The following BRINP3 variants were observed in gnomAD, a reference collection of about 807,000 sequenced individuals.
BRINP3 encodes the protein BMP/retinoic acid-inducible neural-specific protein 3.
Under a neutral mutation model 71.0 loss-of-function variants are expected in BRINP3, and 19 were observed. The ratio of observed to expected loss-of-function variants is 0.27; its 90% CI spans 0.19 to 0.39. The LOEUF is 0.39. Ranked by LOEUF, BRINP3 falls within the 10% of genes least tolerant of loss-of-function variation. BRINP3 has a pLI of 1.00. For missense variants in BRINP3, 959 were observed against 940.8 expected, an observed-to-expected ratio of 1.02 and a Z score of -0.25; for synonymous variants, 380 against 337.7, an observed-to-expected ratio of 1.13 and a Z score of -1.37.
At chr1:190,223,068 C>T (rs913984843) in intron 6 of BRINP3, among the ~76,000 whole-genome samples, 20 of 151,890 alleles carry the variant, frequency 1.3e-4, no homozygotes, top group African/African-American at 4.8e-4. Context: ...GGATCATTGG[C>T]TTCACTGCTA....
At chr1:190,115,136 A>T (rs1329673642) in intron 7 of BRINP3, among the ~76,000 whole-genome samples, 1 of 152,136 alleles carries the variant, frequency 6.6e-6, no homozygotes, top group African/African-American at 2.4e-5. Flanking sequence ...GTCCCCATGT[A>T]CTCAATAAAT....
At chr1:190,149,918 T>C (rs1171052072) in intron 7 of BRINP3, among the ~76,000 whole-genome samples, 1 of 152,144 alleles carries the variant, frequency 6.6e-6, no homozygotes, top group African/African-American at 2.4e-5. Flanking sequence ...TCTTTTGTGA[T>C]GTTCTATTTG....
chr1:190,258,650 G>A (rs1039839107), intron 4 of BRINP3, among the ~76,000 whole-genome samples: 3 of 152,162 alleles, frequency 2.0e-5, no homozygotes, highest in Admixed American at 6.5e-5. Flanking sequence ...ATGAACAATT[G>A]CATGCCAACA....
intron 2 of BRINP3, among the ~76,000 whole-genome samples, chr1:190,294,362 T>C (rs891560909): frequency 1.3e-5 from 2 of 151,722 alleles, no homozygotes; most frequent in Non-Finnish European, 2.9e-5. Flanking sequence ...AGGTCTCAAG[T>C]GATCCTCCCA....
chr1:190,436,746 A>T (rs1674483198), intron 2 of BRINP3, among the ~76,000 whole-genome samples: 2 of 151,750 alleles, frequency 1.3e-5, no homozygotes, highest in African/African-American at 4.8e-5. Flanking sequence ...GACTCAATTG[A>T]CTCAATTGAC....
intron 2 of BRINP3, among the ~76,000 whole-genome samples, chr1:190,414,749 C>T (rs1271587016): frequency 6.6e-6 from 1 of 152,182 alleles, no homozygotes. Flanking sequence ...AGCAATGTTA[C>T]TAAGGCAGAG....
chr1:190,226,738 T>C (rs912780724), intron 5 of BRINP3, among the ~76,000 whole-genome samples: 8 of 152,110 alleles, frequency 5.3e-5, no homozygotes, highest in African/African-American at 9.6e-5. Context: ...CCCACATCAA[T>C]GTAAATATCA....
intron 2 of BRINP3, among the ~76,000 whole-genome samples, chr1:190,292,487 A>G (rs1348170731): frequency 2.0e-5 from 3 of 152,050 alleles, no homozygotes; most frequent in Non-Finnish European, 4.4e-5. Context: ...GCTCTCTACA[A>G]AAAAATAAAA....
rs2436653 is a variant in BRINP3, at chr1:190,201,696, C to T, written c.961+24386G>A. ...TGTCCTGCATCCCAGCTGCTCCAGC[C>T]ATGGTTGAAATAGACCAACATAGAA... On this transcript the variant is annotated intron_variant, in intron 6 of 7. Transcript: ENST00000367462. Among the ~76,000 whole-genome samples, 4 of 151,928 alleles carry T rather than the reference C, an allele frequency of 2.6e-5. 1 individual carries two copies. The highest frequency in any genetic ancestry group is 2.0e-4 in the Admixed American group (3 of 15,250).
At chr1:190,249,921 G>A (rs1480905873) in intron 4 of BRINP3, among the ~76,000 whole-genome samples, 1 of 151,758 alleles carries the variant, frequency 6.6e-6, no homozygotes. Context: ...ATGAGTCCAA[G>A]AATTGCTAAT....
rs563226521 is a variant in BRINP3, at chr1:190,468,273, G to T, written c.-51+9175C>A. Among the ~76,000 whole-genome samples the T allele has an allele frequency of 4.6e-5, 7 of 151,222 alleles. No homozygotes were observed. The East Asian group carries it at 9.7e-4, about 21-fold the overall frequency. ...TTACCTTACTAAAGATTATTAAAAAGAAATATTTTAACAGTTAATCAAACA... is the reference window on the plus strand; with the variant it reads ...TTACCTTACTAAAGATTATTAAAAATAAATATTTTAACAGTTAATCAAACA... On this transcript the variant is annotated intron_variant, in intron 1 of 7. Coordinates refer to ENST00000367462, the MANE Select transcript of BRINP3 (RefSeq NM_199051.3).
chr1:190,382,550 A>T (rs1005696198), intron 2 of BRINP3, among the ~76,000 whole-genome samples: 1 of 152,292 alleles, frequency 6.6e-6, no homozygotes, highest in East Asian at 1.9e-4. Context: ...ACGGACACTC[A>T]TTCCTTAATC....
At chr1:190,417,574 TTTGATACCAACATAC>T (rs1673089394) in intron 2 of BRINP3, among the ~76,000 whole-genome samples, 1 of 152,168 alleles carries the variant, frequency 6.6e-6, no homozygotes, top group South Asian at 2.1e-4. Context: ...TATTTTGATA[TTTGATACCAACATAC>T]TTGATACAAA....
At chr1:190,132,626 A>G (rs1654635609) in intron 7 of BRINP3, among the ~76,000 whole-genome samples, 1 of 152,096 alleles carries the variant, frequency 6.6e-6, no homozygotes, top group Admixed American at 6.6e-5. Context: ...ATAATAAATG[A>G]ATGTGCATTT....
chr1:190,136,597 T>C (rs1344069079), intron 7 of BRINP3, among the ~76,000 whole-genome samples: 1 of 152,180 alleles, frequency 6.6e-6, no homozygotes, highest in Non-Finnish European at 1.5e-5. Flanking sequence ...ATTTTCTTCA[T>C]TGAAAATTAA....
intron 5 of BRINP3, among the ~76,000 whole-genome samples, chr1:190,228,419 T>C (rs1156298391): frequency 2.0e-5 from 3 of 151,544 alleles, no homozygotes; most frequent in Non-Finnish European, 4.4e-5. Context: ...ACCATTTTCA[T>C]AGTCATAAAG....
chr1:190,196,312 C>T (rs1379358389), intron 6 of BRINP3, among the ~76,000 whole-genome samples: 1 of 152,100 alleles, frequency 6.6e-6, no homozygotes, highest in Non-Finnish European at 1.5e-5. Flanking sequence ...ATTTAGACTT[C>T]TTGGGTGCTA....
chr1:190,371,005 T>C (rs1340414897), intron 2 of BRINP3, among the ~76,000 whole-genome samples: 1 of 152,192 alleles, frequency 6.6e-6, no homozygotes, highest in Non-Finnish European at 1.5e-5. Context: ...TTCAAGTTAT[T>C]TGCCCATATT....
chr1:190,251,219 TC>T (rs1660111980), intron 4 of BRINP3, among the ~76,000 whole-genome samples: 1 of 151,936 alleles, frequency 6.6e-6, no homozygotes, highest in African/African-American at 2.4e-5. Flanking sequence ...TATTCCTGAG[TC>T]CTATGTATTT....
Sources: gnomAD v4.1 joint callset for allele counts (sites outside exome capture counted in the v4.1 genomes callset) on GRCh38, gnomAD v4.1.1 for gene constraint, MANE v1.5 for transcripts, NCBI Gene and HGNC (gene_info 2026-07-23, HGNC 2026-07-21) for gene names.